The following NFKBIB variants were observed in gnomAD, a reference collection of about 807,000 sequenced individuals.
NFKBIB encodes NFKB inhibitor beta, also known as NF-kappa-B inhibitor beta.
In NFKBIB, 16 loss-of-function variants were observed where a neutral mutation model predicts 32.1. The ratio of observed to expected loss-of-function variants is 0.50; its 90% confidence interval spans 0.34 to 0.76. The LOEUF is 0.76. NFKBIB is among the 30% of genes least tolerant of loss of function. The probability of loss-of-function intolerance (pLI) is 0.01; values close to 1 mark genes in which losing one functional copy is unlikely to be tolerated. For missense variants in NFKBIB, 437 were observed against 514.9 expected (o/e 0.85, Z 1.46); for synonymous variants, 222 against 219.5 (o/e 1.01, Z -0.10).
Position 38,902,081 on chromosome 19 carries a change from A to ATTTTTTTT in NFKBIB, c.179+1873_179+1874insTTTTTTTT, listed in dbSNP as rs1220793422. 1.9e-4 allele frequency among the ~76,000 whole-genome samples: 11 copies of ATTTTTTTT among 56,520 alleles called. 1 individual carries two copies. In the East Asian group the frequency reaches 8.9e-3, roughly 46 times the overall value. The allele number at this position is 56,520 out of a possible 152,430, so 37.1% of individuals were successfully genotyped here. On this transcript the variant is annotated intron_variant, in intron 1 of 5. Coordinates refer to ENST00000313582, the MANE Select transcript of NFKBIB (RefSeq NM_002503.5). Reference sequence around the variant, plus strand: ...CCTTCTGTATAGTGTTTTTCATTTTATTTCTTTTTTTTTTTTTGAGATGGA... The same window carrying ATTTTTTTT: ...CCTTCTGTATAGTGTTTTTCATTTTATTTTTTTTTTTCTTTTTTTTTTTTTGAGATGGA...
At chr19:38,904,896 CA>C (rs1205132179) in intron 1 of NFKBIB, 118 bp from the exon 2 acceptor site, 1 of 853,848 alleles carries the variant, frequency 1.2e-6, no homozygotes, top group Non-Finnish European at 1.9e-6. Flanking sequence ...AGATAGCTGA[CA>C]GGGGGTTCCA....
At position 38,905,470 on chromosome 19, in the gene NFKBIB, TGGAGAA is replaced by T; in HGVS notation, c.558_563del (p.Lys187_Glu188del). ...GTCGCCTTGTACCCCGATTCCGACT[TGGAGAA>T]GGAAGAAGAGGAGAGTGAGGAGGAC... is the stretch of plus-strand genomic sequence containing the variant. On this transcript the variant is annotated inframe_deletion, in exon 3 of 6. Transcript: ENST00000313582. The surrounding 1 kb of genome is among the most constrained non-coding windows in gnomAD (Gnocchi z 5.5). 9 of 1,613,746 alleles carry T rather than the reference TGGAGAA, an allele frequency of 5.6e-6. No individual in the cohort carries two copies. The highest frequency in any genetic ancestry group is 1.3e-5 in the African/African-American group (1 of 74,974).
chr19:38,905,098 A>G lies in NFKBIB; in HGVS notation c.263A>G (p.Asp88Gly). The change falls in exon 2 of 6, where the codon GAC (aspartate) becomes GGC (glycine). Residue 88 changes from aspartate to glycine, a missense_variant. By Grantham distance (94) the Asp-to-Gly change is moderately conservative. Transcript: ENST00000313582. This position sits in a 1 kb window ranked among gnomAD's most constrained non-coding sequence, Gnocchi z 5.5. ...TTCTCGGCCGGCACTGAGTACATGG[A>G]CCTGCAGAATGACCTAGGCCAGGTG... Reference protein sequence around the residue: ...LGFSAGTEYMDLQNDLGQTAL... With the variant: ...LGFSAGTEYMGLQNDLGQTAL... 1.2e-6 allele frequency: 2 copies of G among 1,614,112 alleles called. No individual in the cohort carries two copies. Among genetic ancestry groups the G allele is most frequent in the Non-Finnish European group, 1.7e-6 (2 of 1,180,010 alleles).
intron 1 of NFKBIB, among the ~76,000 whole-genome samples, chr19:38,901,060 A>G (rs1299159544): frequency 1.3e-5 from 2 of 152,164 alleles, no homozygotes; most frequent in Non-Finnish European, 2.9e-5. Context: ...GATAAACAAG[A>G]TAAGAGCATT....
chr19:38,906,701 C>T (rs924498126), intron 3 of NFKBIB, among the ~76,000 whole-genome samples: 3 of 148,676 alleles, frequency 2.0e-5, no homozygotes, highest in African/African-American at 7.5e-5. Flanking sequence ...GATCTCCTGA[C>T]CTCGTGATCC....
Position 38,907,322 on chromosome 19 carries a change from C to T in NFKBIB, c.708+13C>T, listed in dbSNP as rs568276613. On this transcript the variant is annotated intron_variant, in intron 4 of 5. Transcript: ENST00000313582. ...CCTTGACAAACCGGTGAGCCCCAAC[C>T]TCGGGGAAGATGCCGTCGGCGGGAG... 8 of 1,609,784 alleles carry T rather than the reference C, an allele frequency of 5.0e-6. No homozygotes were observed. The South Asian group carries it at 6.6e-5, about 13-fold the overall frequency.
At chr19:38,908,458 G>T in intron 5 of NFKBIB, 1 of 987,166 alleles carries the variant, frequency 1.0e-6, no homozygotes, top group Non-Finnish European at 1.3e-6. Context: ...AGAATTGCTT[G>T]AACCTGGGAG....
chr19:38,908,111 G>A, intron 5 of NFKBIB: 2 of 1,013,374 alleles, frequency 2.0e-6, no homozygotes, highest in Non-Finnish European at 1.2e-6. Context: ...CCGTCCTTGG[G>A]CAAGGCGCGG....
chr19:38,902,209 T>C (rs1362151618), intron 1 of NFKBIB, among the ~76,000 whole-genome samples: 1 of 150,806 alleles, frequency 6.6e-6, no homozygotes, highest in Non-Finnish European at 1.5e-5. Flanking sequence ...GCCTCCCGAG[T>C]AGCTGGGACT....
chr19:38,903,534 C>T (rs146910497), intron 1 of NFKBIB, among the ~76,000 whole-genome samples: 84 of 152,112 alleles, frequency 5.5e-4, no homozygotes, highest in African/African-American at 1.9e-3. Context: ...GTGATCTGCC[C>T]GCCTTGGCCT....
chr19:38,899,722 C>A, upstream of NFKBIB: 1 of 781,110 alleles, frequency 1.3e-6, no homozygotes, highest in South Asian at 1.6e-5. Flanking sequence ...CGTACAACAC[C>A]CAGAGCGCCC....
chr19:38,903,474 G>T (rs946665170), intron 1 of NFKBIB, among the ~76,000 whole-genome samples: 1 of 152,002 alleles, frequency 6.6e-6, no homozygotes, highest in African/African-American at 2.4e-5. Flanking sequence ...TTTTTGTAGA[G>T]ACAGGGTCTC....
At position 38,900,168 on chromosome 19, in the gene NFKBIB, TGG is replaced by T; in HGVS notation, c.138_139del (p.Trp46CysfsTer10). 1 of 1,603,564 alleles carries T rather than the reference TGG, an allele frequency of 6.2e-7. No individual in the cohort carries two copies. On this transcript the variant is annotated frameshift_variant, in exon 1 of 6. Transcript: ENST00000313582. LOFTEE classifies it high-confidence loss of function. ...LGAELGPGLSWAPLVFGYVTE... is the reference protein window; with the variant it reads ...LGAELGPGLSXAPLVFGYVTE... ...CGCGGAGTTGGGCCCGGGGCTGTCG[TGG>T]GCTCCCCTCGTCTTCGGCTACGTCA...
At chr19:38,901,639 G>A (rs550562760) in intron 1 of NFKBIB, among the ~76,000 whole-genome samples, 134 of 152,108 alleles carry the variant, frequency 8.8e-4, no homozygotes, top group African/African-American at 3.0e-3. Flanking sequence ...TTACAGGCAC[G>A]TGCCCCCACA....
Position 38,905,152 on chromosome 19 carries a change from G to A in NFKBIB, c.285+32G>A. The A allele has an allele frequency of 6.2e-7, 1 of 1,612,758 alleles. No homozygotes were observed. The highest frequency in any genetic ancestry group is 8.5e-7 in the Non-Finnish European group (1 of 1,179,220). Reference sequence around the variant, plus strand: ...CACGAGGGATGGTGTAGGGCTTGGGGTCCAGGGTTCCCAGTGTGACTCCCT... The same window carrying A: ...CACGAGGGATGGTGTAGGGCTTGGGATCCAGGGTTCCCAGTGTGACTCCCT... On this transcript the variant is annotated intron_variant, in intron 2 of 5. Coordinates refer to ENST00000313582, the MANE Select transcript of NFKBIB (RefSeq NM_002503.5). The surrounding 1 kb of genome is among the most constrained non-coding windows in gnomAD (Gnocchi z 5.5).
chr19:38,906,497 T>C (rs899542583), intron 3 of NFKBIB, among the ~76,000 whole-genome samples: 1 of 111,322 alleles, frequency 9.0e-6, no homozygotes, highest in Non-Finnish European at 1.7e-5. Context: ...TGACATGGAG[T>C]CTCACTCTGT....
chr19:38,907,373 C>G (rs1974167426), intron 4 of NFKBIB, 26 bp from the exon 5 acceptor site: 1 of 1,591,696 alleles, frequency 6.3e-7, no homozygotes, highest in African/African-American at 1.3e-5. Context: ...TTCGGGCCCT[C>G]TGACCTTTCT....
In NFKBIB at chr19:38,908,715, TC is replaced by T; in HGVS notation, c.970-12del. 1 of 1,606,400 alleles carries T rather than the reference TC, an allele frequency of 6.2e-7. No individual in the cohort carries two copies. Among genetic ancestry groups the T allele is most frequent in the South Asian group, 1.1e-5 (1 of 90,392 alleles). ...CAGCCGCCTGAGCCCCTCTGCCTGGTCCCCTTTGCCCCCAGGATGAATACGA... is the reference window on the plus strand; with the variant it reads ...CAGCCGCCTGAGCCCCTCTGCCTGGTCCCTTTGCCCCCAGGATGAATACGA... On this transcript the variant is annotated splice_polypyrimidine_tract_variant and intron_variant, in intron 5 of 5. Coordinates refer to ENST00000313582, the MANE Select transcript of NFKBIB (RefSeq NM_002503.5).
chr19:38,906,466 GTTTT>G (rs59286558), intron 3 of NFKBIB, among the ~76,000 whole-genome samples: 3 of 75,324 alleles, frequency 4.0e-5, no homozygotes, highest in Non-Finnish European at 4.8e-5. Context: ...TTAATTTAAG[GTTTT>G]TTTTTTTTTT....
Sources: allele counts gnomAD v4.1 joint callset (sites outside exome capture counted in the v4.1 genomes callset), GRCh38; gene constraint gnomAD v4.1.1; non-coding constraint Gnocchi (gnomAD v3.1); transcripts MANE v1.5; gene names NCBI Gene and HGNC (gene_info 2026-07-23, HGNC 2026-07-21).